CNTN3: variants seen among roughly 807,000 people sequenced by gnomAD.
CNTN3 encodes the protein contactin 3.
In CNTN3, 60 loss-of-function variants were observed where a neutral mutation model predicts 119.1. The observed-to-expected ratio is 0.50, with a 90% confidence interval of 0.41 to 0.62. CNTN3 has a LOEUF of 0.62. Ranked by LOEUF, CNTN3 falls within the 20% of genes least tolerant of loss-of-function variation. The pLI is 0.00. For synonymous variants in CNTN3, 450 were observed against 438.7 expected, an observed-to-expected ratio of 1.03 and a Z score of -0.32; for missense variants, 1,101 against 1,242.4, an observed-to-expected ratio of 0.89 and a Z score of 1.71.
At chr3:74,267,140 G>T in intron 21 of CNTN3, 126 bp downstream of exon 21, 2 of 583,932 alleles carry the variant, frequency 3.4e-6, no homozygotes, top group Admixed American at 5.9e-5. Context: ...GGAAAGCTTG[G>T]TATCTTTGTC....
Position 74,301,407 on chromosome 3 carries a change from C to T in CNTN3, c.2086G>A (p.Glu696Lys), listed in dbSNP as rs1406027887. 4 of 1,613,752 alleles carry T rather than the reference C, an allele frequency of 2.5e-6. No individual in the cohort carries two copies. The highest frequency in any genetic ancestry group is 3.4e-6 in the Non-Finnish European group (4 of 1,179,884). ...PSLPSEKVRT[E>K]EAVPEVPPSE... ...AAAAAAAAACACTAACCTGCCTCTT[C>T]AGTTCTTACTTTTTCTGAGGGTAAA... The change falls in exon 16 of 23, where the codon GAA becomes AAA. Residue 696 changes from glutamate to lysine, a missense_variant. By Grantham distance (56) the Glu-to-Lys change is moderately conservative. Transcript: ENST00000263665.
At chr3:74,515,450 C>T (rs1019897705) in intron 2 of CNTN3, among the ~76,000 whole-genome samples, 2 of 152,004 alleles carry the variant, frequency 1.3e-5, no homozygotes, top group Admixed American at 1.3e-4. Context: ...GGCAAGATGG[C>T]ATACACATAC....
intron 1 of CNTN3, among the ~76,000 whole-genome samples, chr3:74,548,899 A>C (rs2107157156): frequency 6.6e-6 from 1 of 152,326 alleles, no homozygotes; most frequent in Non-Finnish European, 1.5e-5. Flanking sequence ...ATAGACAACA[A>C]TGTACATTCA....
intron 13 of CNTN3, among the ~76,000 whole-genome samples, chr3:74,331,988 A>G (rs1251492519): frequency 6.6e-6 from 1 of 152,218 alleles, no homozygotes; most frequent in Admixed American, 6.5e-5. Context: ...TACTTAGCAT[A>G]GTTCCAATAA....
chr3:74,509,822 T>C (rs1242618424), intron 2 of CNTN3, among the ~76,000 whole-genome samples: 4 of 152,110 alleles, frequency 2.6e-5, no homozygotes, highest in Non-Finnish European at 4.4e-5. Context: ...ATCTCCCTTG[T>C]AGTAATCGTT....
chr3:74,312,303 A>G (rs529796525), intron 13 of CNTN3, among the ~76,000 whole-genome samples: 6 of 151,792 alleles, frequency 4.0e-5, no homozygotes, highest in South Asian at 2.1e-4. Context: ...AAAAATACAA[A>G]AAACTAGCCA....
intron 4 of CNTN3, among the ~76,000 whole-genome samples, chr3:74,466,280 A>C (rs1342972766): frequency 2.0e-5 from 3 of 152,160 alleles, no homozygotes; most frequent in East Asian, 3.9e-4. Flanking sequence ...GTCTTGCTGG[A>C]CACTTTCTTG....
rs551954653 is a variant in CNTN3, at chr3:74,593,723, G to A, written c.-81+20668C>T. ...TAGTTAGGAGGGTGAAATTGTTTAC[G>A]GGTCTGTTTCTTGATTGGGACAAAT... On this transcript the variant is annotated intron_variant, in intron 1 of 22. Coordinates refer to ENST00000263665, the MANE Select transcript of CNTN3 (RefSeq NM_020872.3). 1.2e-4 allele frequency among the ~76,000 whole-genome samples: 19 copies of A among 152,042 alleles called. No individual in the cohort carries two copies. The South Asian group carries it at 2.1e-3, about 17-fold the overall frequency.
In CNTN3 at chr3:74,516,717, A is replaced by G. The variant is rs540243250; in HGVS notation, c.55+4341T>C. Among the ~76,000 whole-genome samples, 111 of 150,726 alleles carry G rather than the reference A, an allele frequency of 7.4e-4. 7 individuals are homozygous for G. The highest frequency in any genetic ancestry group is 2.6e-3 in the African/African-American group (106 of 40,326). On this transcript the variant is annotated intron_variant, in intron 2 of 22. Coordinates refer to ENST00000263665, the MANE Select transcript of CNTN3 (RefSeq NM_020872.3). Reference sequence around the variant, plus strand: ...GCCAGGCCTTCCCAAGCATAGAAGTAAAGAAAAATCTTGAGTTCCTTCAAC... The same window carrying G: ...GCCAGGCCTTCCCAAGCATAGAAGTGAAGAAAAATCTTGAGTTCCTTCAAC...
At chr3:74,482,998 G>A (rs777026455) in intron 4 of CNTN3, among the ~76,000 whole-genome samples, 3 of 152,174 alleles carry the variant, frequency 2.0e-5, no homozygotes, top group Non-Finnish European at 4.4e-5. Flanking sequence ...CCAACCACAT[G>A]AATATTAAAC....
intron 4 of CNTN3, among the ~76,000 whole-genome samples, chr3:74,445,686 C>G (rs532689087): frequency 6.6e-6 from 1 of 152,140 alleles, no homozygotes; most frequent in African/African-American, 2.4e-5. Flanking sequence ...ATGTGCACTG[C>G]CAAATCAAAT....
chr3:74,529,433 A>C (rs1703663336), intron 1 of CNTN3, among the ~76,000 whole-genome samples: 1 of 151,918 alleles, frequency 6.6e-6, no homozygotes, highest in Non-Finnish European at 1.5e-5. Flanking sequence ...ATTTTGTTTT[A>C]GCTTGACATG....
At chr3:74,539,409 CTA>C (rs1368723945) in intron 1 of CNTN3, among the ~76,000 whole-genome samples, 1 of 152,068 alleles carries the variant, frequency 6.6e-6, no homozygotes, top group East Asian at 1.9e-4. Context: ...AGTACTATGA[CTA>C]TTCCCATTTA....
chr3:74,528,429 A>G (rs1703650315), intron 1 of CNTN3, among the ~76,000 whole-genome samples: 4 of 151,950 alleles, frequency 2.6e-5, no homozygotes, highest in Admixed American at 2.6e-4. Context: ...AGGCACATTT[A>G]CCAACTGGAA....
chr3:74,516,580 T>C (rs958776265), intron 2 of CNTN3, among the ~76,000 whole-genome samples: 5 of 150,880 alleles, frequency 3.3e-5, no homozygotes, highest in African/African-American at 1.2e-4. Context: ...CAGTAGGCTC[T>C]AAGTATAACA....
chr3:74,293,175 G>C (rs1382126726), intron 19 of CNTN3, among the ~76,000 whole-genome samples: 1 of 152,188 alleles, frequency 6.6e-6, no homozygotes, highest in Non-Finnish European at 1.5e-5. Context: ...TGTTTGGATT[G>C]AGTGGGTCCT....
At chr3:74,595,925 G>C (rs184588656) in intron 1 of CNTN3, among the ~76,000 whole-genome samples, 436 of 152,152 alleles carry the variant, frequency 2.9e-3, no homozygotes, top group African/African-American at 9.8e-3. Context: ...CGACATGATA[G>C]TATATCTAGA....
chr3:74,477,979 C>G (rs1300927408), intron 4 of CNTN3, among the ~76,000 whole-genome samples: 1 of 152,014 alleles, frequency 6.6e-6, no homozygotes, highest in Non-Finnish European at 1.5e-5. Flanking sequence ...CAATAAGGCT[C>G]TAAGGGAAAC....
At chr3:74,435,386 A>C (rs1037176713) in intron 4 of CNTN3, among the ~76,000 whole-genome samples, 3 of 152,144 alleles carry the variant, frequency 2.0e-5, no homozygotes, top group African/African-American at 7.2e-5. Context: ...CATGTTGCCC[A>C]GGCCAGTCAC....
Sources: allele counts gnomAD v4.1 joint callset (sites outside exome capture counted in the v4.1 genomes callset), GRCh38; gene constraint gnomAD v4.1.1; transcripts MANE v1.5; gene names NCBI Gene and HGNC (gene_info 2026-07-23, HGNC 2026-07-21).